PRDM10: variants seen among roughly 807,000 people sequenced by gnomAD.
The protein encoded by PRDM10 is PR/SET domain 10.
PRDM10 carries 65 observed loss-of-function variants against 133.1 expected under a neutral mutation model. That is an observed-to-expected ratio of 0.49 (90% CI 0.40 to 0.60). The LOEUF is 0.60. PRDM10 is among the 20% of genes least tolerant of loss of function. The pLI, the probability that PRDM10 is intolerant of heterozygous loss-of-function variation, is 0.00. For missense variants in PRDM10, 1,137 were observed against 1,507.1 expected (o/e 0.75, Z 4.07); for synonymous variants, 582 against 580.4 (o/e 1.00, Z -0.04).
At position 129,918,796 on chromosome 11, in the gene PRDM10, C is replaced by T; in HGVS notation, c.2035-78G>A. 7.3e-7 allele frequency: 1 copy of T among 1,375,952 alleles called. No individual in the cohort carries two copies. The highest frequency in any genetic ancestry group is 1.9e-4 in the Middle Eastern group (1 of 5,254). 85.2% of individuals were successfully genotyped at this position (1,375,952 alleles called of 1,614,324 possible). Reference sequence around the variant, plus strand: ...TAACTGAAGGGATCATTTTAAAAATCAATACAAATTAGCAGTCACCACAAG... The same window carrying T: ...TAACTGAAGGGATCATTTTAAAAATTAATACAAATTAGCAGTCACCACAAG... On this transcript the variant is annotated intron_variant, in intron 13 of 20. Transcript: ENST00000360871. This position sits in a 1 kb window ranked among gnomAD's most constrained non-coding sequence, Gnocchi z 5.3.
intron 9 of PRDM10, among the ~76,000 whole-genome samples, chr11:129,933,937 A>T (rs1218080930): frequency 6.6e-6 from 1 of 152,016 alleles, no homozygotes; most frequent in African/African-American, 2.4e-5. Flanking sequence ...AGTACCCAGC[A>T]CTCAGCAACC....
intron 4 of PRDM10, among the ~76,000 whole-genome samples, chr11:129,949,574 A>T (rs952543277): frequency 6.6e-6 from 1 of 152,204 alleles, no homozygotes; most frequent in Admixed American, 6.5e-5. Flanking sequence ...TCTTTGCAGT[A>T]CTCACAGAAA....
intron 17 of PRDM10, among the ~76,000 whole-genome samples, chr11:129,913,047 G>A (rs533749160): frequency 9.7e-4 from 124 of 127,356 alleles, no homozygotes; most frequent in African/African-American, 4.0e-3. Context: ...GCAACAGAGC[G>A]AGACTCCATC....
chr11:129,961,789 TATA>T (rs1951801692), intron 1 of PRDM10, among the ~76,000 whole-genome samples: 1 of 152,122 alleles, frequency 6.6e-6, no homozygotes. Flanking sequence ...TGTGTGTATA[TATA>T]ATATCTTATA....
intron 1 of PRDM10, among the ~76,000 whole-genome samples, chr11:129,985,759 G>A (rs1176547453): frequency 3.5e-5 from 4 of 114,990 alleles, no homozygotes; most frequent in African/African-American, 1.4e-4. Flanking sequence ...TCCAGCCTGG[G>A]TGACAAAGAC....
intron 11 of PRDM10, chr11:129,929,549 A>C (rs369140825): frequency 1.3e-6 from 1 of 781,304 alleles, no homozygotes; most frequent in African/African-American, 1.8e-5. Context: ...ACTTTTTAGA[A>C]TGTGTGAGAG....
intron 1 of PRDM10, among the ~76,000 whole-genome samples, chr11:129,980,194 G>C (rs1416204604): frequency 1.3e-5 from 2 of 152,162 alleles, no homozygotes; most frequent in Non-Finnish European, 2.9e-5. Context: ...CCACTGCTAG[G>C]TACAGACCCT....
chr11:129,910,722 A>T, intron 18 of PRDM10, 66 bp from the exon 19 acceptor site: 1 of 1,321,882 alleles, frequency 7.6e-7, no homozygotes, highest in Non-Finnish European at 1.0e-6. Flanking sequence ...ACTCACAAAT[A>T]ACTGAAGGAA....
intron 8 of PRDM10, among the ~76,000 whole-genome samples, chr11:129,936,629 G>C (rs906581070): frequency 6.6e-6 from 1 of 151,956 alleles, no homozygotes; most frequent in Non-Finnish European, 1.5e-5. Flanking sequence ...CTCCAGCCTC[G>C]GTGACAGAGC....
Position 129,901,128 on chromosome 11 carries a change from G to A in PRDM10, c.*1185C>T, listed in dbSNP as rs577000705. On this transcript the variant is annotated 3_prime_UTR_variant, in exon 21 of 21. Coordinates refer to ENST00000360871, the MANE Select transcript of PRDM10 (RefSeq NM_199437.2). The stretch of plus-strand genomic sequence containing the variant: ...AACTAATAGTATATTCATAAAGACT[G>A]GATTTCTTCCAGATCCCTTATAACT... 191 of 152,620 alleles carry A rather than the reference G, an allele frequency of 1.3e-3. 1 individual carries two copies. The highest frequency in any genetic ancestry group is 2.1e-3 in the Non-Finnish European group (145 of 68,018). 9.5% of individuals were successfully genotyped at this position (152,620 alleles called of 1,614,324 possible). A position where few individuals can be genotyped will look rare whatever the true frequency, so the allele number is the denominator to read the frequency against.
rs1482763514 is a variant in PRDM10 at position 129,918,602 on chromosome 11, G to A, written c.2151C>T (p.Asp717=). The part of the protein sequence containing the change: ...KTFKPRITST[D]YDSFTFKCRL... ...GGCACTTGAACGTGAAGCTGTCGTA[G>A]TCTGTGGACGTGATGCGGGGCTTGA... Residue 717 remains aspartate, a synonymous_variant, in exon 14 of 21, where the codon GAC becomes GAT. Coordinates refer to ENST00000360871, the MANE Select transcript of PRDM10 (RefSeq NM_199437.2). This position sits in a 1 kb window ranked among gnomAD's most constrained non-coding sequence, Gnocchi z 5.3. 6.2e-7 allele frequency: 1 copy of A among 1,614,248 alleles called. No homozygotes were observed. Among genetic ancestry groups the A allele is most frequent in the South Asian group, 1.1e-5 (1 of 91,090 alleles).
chr11:129,950,873 C>T (rs142006680), intron 4 of PRDM10, among the ~76,000 whole-genome samples: 321 of 152,298 alleles, frequency 2.1e-3, no homozygotes, highest in Non-Finnish European at 1.4e-3. Flanking sequence ...GGTTTGGCAA[C>T]GTGACTGGCT....
intron 3 of PRDM10, among the ~76,000 whole-genome samples, 175 bp from the exon 4 acceptor site, chr11:129,955,746 C>A (rs1267476571): frequency 6.6e-6 from 1 of 152,212 alleles, no homozygotes; most frequent in Non-Finnish European, 1.5e-5. Flanking sequence ...TTAGCTAAAG[C>A]TTTTCATTCA....
chr11:129,979,840 C>T (rs1022759313), intron 1 of PRDM10, among the ~76,000 whole-genome samples: 3 of 152,180 alleles, frequency 2.0e-5, no homozygotes, highest in Admixed American at 1.3e-4. Flanking sequence ...TTACCTCCTC[C>T]GCCCCAGGAG....
intron 1 of PRDM10, among the ~76,000 whole-genome samples, chr11:129,980,021 G>A (rs1289789221): frequency 6.6e-6 from 1 of 152,242 alleles, no homozygotes; most frequent in Non-Finnish European, 1.5e-5. Flanking sequence ...CCATGCACTA[G>A]GATGGCTTGA....
chr11:129,938,296 T>C (rs896643660), intron 7 of PRDM10, among the ~76,000 whole-genome samples: 3 of 152,174 alleles, frequency 2.0e-5, no homozygotes, highest in Admixed American at 2.0e-4. Context: ...TGAGTGTGTT[T>C]GACTGGATGT....
rs771305757 is a variant in PRDM10, at chr11:129,929,383, T to C, written c.1530+1633A>G. On this transcript the variant is annotated intron_variant, in intron 11 of 20. Coordinates refer to ENST00000360871, the MANE Select transcript of PRDM10 (RefSeq NM_199437.2). The stretch of plus-strand genomic sequence containing the variant: ...GTCAGGCAAACAAGTAACATTCTGT[T>C]ATGTGAAACACAGGAAACAAACCTA... 3 of 1,562,800 alleles carry C rather than the reference T, an allele frequency of 1.9e-6. No homozygotes were observed. The South Asian group carries it at 3.6e-5, about 19-fold the overall frequency.
Position 129,935,090 on chromosome 11 carries a change from C to G in PRDM10, c.1157+11G>C. 6.3e-7 allele frequency: 1 copy of G among 1,597,962 alleles called. No individual in the cohort carries two copies. Among genetic ancestry groups the G allele is most frequent in the South Asian group, 1.1e-5 (1 of 90,738 alleles). ...GAACTCAGTCTGTGAGCATTTCTCC[C>G]TCATACATACCTGCTAAACACATCT... On this transcript the variant is annotated intron_variant, in intron 9 of 20. Transcript: ENST00000360871.
chr11:130,000,165 T>TC (rs1939272512), intron 1 of PRDM10, among the ~76,000 whole-genome samples: 1 of 151,546 alleles, frequency 6.6e-6, no homozygotes, highest in Admixed American at 6.6e-5. Flanking sequence ...TGCCTCAGCC[T>TC]CCCGAGTAGT....
Sources: gnomAD v4.1 joint callset for allele counts (sites outside exome capture counted in the v4.1 genomes callset) on GRCh38, gnomAD v4.1.1 for gene constraint, Gnocchi (gnomAD v3.1) non-coding constraint, MANE v1.5 for transcripts, NCBI Gene and HGNC (gene_info 2026-07-23, HGNC 2026-07-21) for gene names.